The following SLIT3 variants were observed in gnomAD, a reference collection of about 807,000 sequenced individuals.
The protein encoded by SLIT3 is slit guidance ligand 3.
A neutral mutation model predicts 184.0 loss-of-function variants in SLIT3; 68 were observed. The observed-to-expected ratio is 0.37, with a 90% CI of 0.30 to 0.45. The LOEUF (loss-of-function observed/expected upper bound fraction) is 0.45. Among genes scored for constraint, SLIT3 ranks in the 20% least tolerant of loss-of-function variants. SLIT3 has a pLI of 1.00. For synonymous variants in SLIT3, 831 were observed against 828.6 expected (o/e 1.00, Z -0.05); for missense variants, 1,707 against 2,026.0 (o/e 0.84, Z 3.02).
chr5:168,998,702 TCAAAACAAAACAAAACAAAA>T (rs66611793), intron 4 of SLIT3, among the ~76,000 whole-genome samples: 119 of 141,698 alleles, frequency 8.4e-4, no homozygotes, highest in Non-Finnish European at 1.5e-3. Context: ...AGACTCCATT[TCAAAACAAAACAAAACAAAA>T]CAAAACAAAA....
At chr5:169,051,024 C>T (rs1307962889) in intron 4 of SLIT3, among the ~76,000 whole-genome samples, 1 of 152,180 alleles carries the variant, frequency 6.6e-6, no homozygotes, top group Non-Finnish European at 1.5e-5. Context: ...AGCAAACCAT[C>T]AAGATCTGCA....
chr5:168,747,873 C>A (rs187216378), intron 20 of SLIT3, among the ~76,000 whole-genome samples: 2 of 152,222 alleles, frequency 1.3e-5, no homozygotes, highest in African/African-American at 2.4e-5. Flanking sequence ...CAGAAAAGTG[C>A]TTTGTAAGCC....
intron 20 of SLIT3, among the ~76,000 whole-genome samples, chr5:168,734,946 A>G (rs1763386787): frequency 6.6e-6 from 1 of 152,210 alleles, no homozygotes; most frequent in Admixed American, 6.5e-5. Flanking sequence ...AGCACAGCTC[A>G]GAAGACTCAG....
At chr5:169,090,531 T>C (rs1272029314) in intron 4 of SLIT3, among the ~76,000 whole-genome samples, 1 of 152,204 alleles carries the variant, frequency 6.6e-6, no homozygotes, top group Non-Finnish European at 1.5e-5. Flanking sequence ...CACCTCAGGC[T>C]GGAATAGGGG....
chr5:169,063,303 C>G (rs1473565809), intron 4 of SLIT3, among the ~76,000 whole-genome samples: 4 of 152,192 alleles, frequency 2.6e-5, no homozygotes, highest in Admixed American at 6.5e-5. Context: ...CAGGCTTGCC[C>G]CTTGATAGCC....
intron 3 of SLIT3, among the ~76,000 whole-genome samples, chr5:169,231,364 A>G (rs1415201969): frequency 1.3e-5 from 2 of 152,134 alleles, no homozygotes; most frequent in East Asian, 3.8e-4. Context: ...GCCCCTCTCC[A>G]TTCGCAACTC....
chr5:169,129,331 C>T (rs1032646182), intron 4 of SLIT3, among the ~76,000 whole-genome samples: 8 of 152,132 alleles, frequency 5.3e-5, no homozygotes, highest in Non-Finnish European at 8.8e-5. Context: ...TGGGGAGGAT[C>T]ATTTGAGGTC....
chr5:168,913,359 C>G (rs1173632136), intron 4 of SLIT3, among the ~76,000 whole-genome samples: 2 of 152,116 alleles, frequency 1.3e-5, no homozygotes, highest in Non-Finnish European at 2.9e-5. Flanking sequence ...ATTAAGTGAC[C>G]ACAACACCAG....
chr5:169,275,867 G>T (rs1191488447), intron 1 of SLIT3, among the ~76,000 whole-genome samples: 1 of 152,162 alleles, frequency 6.6e-6, no homozygotes, highest in African/African-American at 2.4e-5. Context: ...ACTGAGCCTG[G>T]AAGAGGGAAG....
At chr5:168,802,277 C>A (rs1262734108) in intron 9 of SLIT3, among the ~76,000 whole-genome samples, 2 of 116,098 alleles carry the variant, frequency 1.7e-5, no homozygotes, top group African/African-American at 5.2e-5. Context: ...CATCTGCTGA[C>A]CTCTCACATG....
At chr5:169,157,153 G>A (rs939019722) in intron 4 of SLIT3, among the ~76,000 whole-genome samples, 1 of 152,164 alleles carries the variant, frequency 6.6e-6, no homozygotes, top group Non-Finnish European at 1.5e-5. Flanking sequence ...GAACTTTGCT[G>A]AGTAGTGATG....
At chr5:169,198,412 C>A (rs17667858) in intron 3 of SLIT3, among the ~76,000 whole-genome samples, 18,157 of 152,148 alleles carry the variant, frequency 0.12, 1,336 homozygotes, top group East Asian at 0.24. Context: ...GTGCTCTGTA[C>A]TCCATGGAGG....
intron 9 of SLIT3, among the ~76,000 whole-genome samples, chr5:168,803,700 A>G (rs1290575246): frequency 6.6e-6 from 1 of 152,186 alleles, no homozygotes; most frequent in East Asian, 1.9e-4. Context: ...CAGTTTGGGA[A>G]CCTAGCCGAG....
chr5:169,056,942 T>G (rs1407071099), intron 4 of SLIT3, among the ~76,000 whole-genome samples: 1 of 152,228 alleles, frequency 6.6e-6, no homozygotes, highest in African/African-American at 2.4e-5. Flanking sequence ...TCTCTGAGCC[T>G]CATTTTCTCA....
intron 4 of SLIT3, among the ~76,000 whole-genome samples, chr5:168,977,879 G>A (rs1365276807): frequency 2.6e-5 from 4 of 152,092 alleles, no homozygotes; most frequent in African/African-American, 9.7e-5. Context: ...AAGAGGGAGG[G>A]GCTACAGATC....
intron 6 of SLIT3, among the ~76,000 whole-genome samples, chr5:168,841,653 G>A (rs1758256268): frequency 6.6e-6 from 1 of 152,168 alleles, no homozygotes; most frequent in African/African-American, 2.4e-5. Context: ...CTCATTCAAT[G>A]TAACTGGTAA....
At chr5:169,201,061 T>A (rs1186564908) in intron 3 of SLIT3, among the ~76,000 whole-genome samples, 1 of 152,198 alleles carries the variant, frequency 6.6e-6, no homozygotes, top group Non-Finnish European at 1.5e-5. Context: ...AGCTTCCTTA[T>A]AGTAAGTGTG....
chr5:168,789,498 T>C (rs1258820317), intron 11 of SLIT3, 62 bp downstream of exon 11: 9 of 1,297,926 alleles, frequency 6.9e-6, no homozygotes, highest in Non-Finnish European at 9.9e-6. Context: ...TATGGTTGCG[T>C]CTCTCTTCCC....
intron 4 of SLIT3, among the ~76,000 whole-genome samples, chr5:169,097,639 T>C (rs1023242558): frequency 6.6e-6 from 1 of 152,204 alleles, no homozygotes; most frequent in South Asian, 2.1e-4. Flanking sequence ...TACACGATGA[T>C]GTCAGCTTAG....
Sources: allele counts gnomAD v4.1 joint callset (sites outside exome capture counted in the v4.1 genomes callset), GRCh38; gene constraint gnomAD v4.1.1; transcripts MANE v1.5; gene names NCBI Gene and HGNC (gene_info 2026-07-23, HGNC 2026-07-21).